Variants in TMEM51 observed in about 807,000 individuals in gnomAD.
TMEM51 encodes the protein chromosome 1 open reading frame 72.
In TMEM51, 8 loss-of-function variants were observed where a neutral mutation model predicts 13.6. That is an observed-to-expected ratio of 0.59 (90% confidence interval 0.35 to 1.07). TMEM51 has a LOEUF of 1.07. TMEM51 is among the 50% of genes least tolerant of loss of function. The pLI, the probability that TMEM51 is intolerant of heterozygous loss-of-function variation, is 0.02. For synonymous variants in TMEM51, 147 were observed against 144.4 expected (o/e 1.02, Z -0.13); for missense variants, 279 against 330.7 (o/e 0.84, Z 1.21).
At chr1:15,166,998 G>C (rs1161753141) in intron 1 of TMEM51, among the ~76,000 whole-genome samples, 5 of 152,022 alleles carry the variant, frequency 3.3e-5, no homozygotes, top group African/African-American at 4.8e-5. Context: ...ATACAGTATG[G>C]TGCCTTTGGA....
At position 15,161,297 on chromosome 1, in the gene TMEM51, A is replaced by G. The variant is rs1001728397; in HGVS notation, c.-267+7343A>G. Among the ~76,000 whole-genome samples, 2 of 151,932 alleles carry G rather than the reference A, an allele frequency of 1.3e-5. No homozygotes were observed. The highest frequency in any genetic ancestry group is 2.4e-5 in the African/African-American group (1 of 41,300). On this transcript the variant is annotated intron_variant, in intron 1 of 3. Coordinates refer to ENST00000376008, the MANE Select transcript of TMEM51 (RefSeq NM_001136218.2). The surrounding 1 kb of genome is among the most constrained non-coding windows in gnomAD (Gnocchi z 4.0). ...CAAAGCAGGTGGATTGCTTGAGGTC[A>G]GGAGTTCACGACTAGCCTGGCCAAC...
At chr1:15,201,220 A>G (rs945721772) in intron 1 of TMEM51, among the ~76,000 whole-genome samples, 3 of 152,240 alleles carry the variant, frequency 2.0e-5, no homozygotes, top group Admixed American at 1.3e-4. Flanking sequence ...AAACTTTTTC[A>G]TCAGCTTGGG....
intron 1 of TMEM51, among the ~76,000 whole-genome samples, chr1:15,196,818 A>C (rs1236062304): frequency 6.6e-6 from 1 of 152,240 alleles, no homozygotes; most frequent in Non-Finnish European, 1.5e-5. Context: ...GTCACCTATT[A>C]ATTCAGCTAG....
chr1:15,197,981 A>G (rs1453217413), intron 1 of TMEM51, among the ~76,000 whole-genome samples: 2 of 150,798 alleles, frequency 1.3e-5, no homozygotes, highest in Admixed American at 1.3e-4. Flanking sequence ...AAGCAGATTC[A>G]ATAAGATAAA....
At chr1:15,170,395 G>A (rs1382425672) in intron 1 of TMEM51, among the ~76,000 whole-genome samples, 1 of 144,914 alleles carries the variant, frequency 6.9e-6, no homozygotes, top group Non-Finnish European at 1.5e-5. Context: ...TGCAACCTCC[G>A]CCTTCCAGTT....
chr1:15,201,985 C>G (rs534386293), intron 1 of TMEM51, among the ~76,000 whole-genome samples: 42 of 152,274 alleles, frequency 2.8e-4, no homozygotes, highest in Non-Finnish European at 4.3e-4. Context: ...ATAATGAGTA[C>G]TTAAAGTAAA....
chr1:15,195,089 T>G (rs911980286), intron 1 of TMEM51, among the ~76,000 whole-genome samples: 6 of 151,794 alleles, frequency 4.0e-5, no homozygotes. Flanking sequence ...CATGCCCCGT[T>G]AGTTTTTTTG....
intron 3 of TMEM51, 88 bp downstream of exon 3, chr1:15,215,519 A>G: frequency 8.0e-7 from 1 of 1,246,672 alleles, no homozygotes; most frequent in Non-Finnish European, 1.1e-6. Context: ...CGTGGTGAAA[A>G]GACTGTCATC....
chr1:15,190,518 G>A (rs561276917), intron 1 of TMEM51, among the ~76,000 whole-genome samples: 22 of 152,286 alleles, frequency 1.4e-4, no homozygotes, highest in African/African-American at 5.3e-4. Flanking sequence ...GACACTCCAG[G>A]AAAAGCCAGT....
intron 1 of TMEM51, among the ~76,000 whole-genome samples, chr1:15,160,870 G>A (rs1057415347): frequency 4.2e-4 from 63 of 149,886 alleles, no homozygotes; most frequent in East Asian, 2.6e-3. Flanking sequence ...CCCCCACCCC[G>A]ATGGAGCTGA....
upstream of TMEM51, among the ~76,000 whole-genome samples, chr1:15,153,099 T>C (rs1642451063): frequency 6.6e-6 from 1 of 152,192 alleles, no homozygotes; most frequent in African/African-American, 2.4e-5. Flanking sequence ...GTGGGGACCC[T>C]GGCCGAGGGC....
intron 1 of TMEM51, among the ~76,000 whole-genome samples, chr1:15,205,105 G>A (rs1356530123): frequency 6.6e-6 from 1 of 152,140 alleles, no homozygotes; most frequent in Non-Finnish European, 1.5e-5. Flanking sequence ...TCTAAATAAG[G>A]CTGGACACCA....
chr1:15,153,530 G>GA (rs1642467578), upstream of TMEM51, among the ~76,000 whole-genome samples: 1 of 151,816 alleles, frequency 6.6e-6, no homozygotes, highest in South Asian at 2.1e-4. Context: ...CTTAGGCCCA[G>GA]CCCCCGGCAC....
At chr1:15,186,382 A>G (rs1282697494) in intron 1 of TMEM51, among the ~76,000 whole-genome samples, 1 of 152,238 alleles carries the variant, frequency 6.6e-6, no homozygotes, top group Non-Finnish European at 1.5e-5. Context: ...AGTCTACCCC[A>G]GAATGGCAGC....
intron 2 of TMEM51, among the ~76,000 whole-genome samples, chr1:15,214,171 A>G (rs935887470): frequency 1.3e-5 from 2 of 152,056 alleles, no homozygotes; most frequent in African/African-American, 2.4e-5. Context: ...GCTGTGTGCC[A>G]GGCTTAGAGA....
chr1:15,180,608 C>T (rs112880905), intron 1 of TMEM51, among the ~76,000 whole-genome samples: 56 of 152,258 alleles, frequency 3.7e-4, no homozygotes, highest in African/African-American at 1.3e-3. Flanking sequence ...TTCTTAGAGG[C>T]TGGAGCTAAG....
intron 1 of TMEM51, among the ~76,000 whole-genome samples, chr1:15,162,323 C>A (rs769152943): frequency 6.6e-6 from 1 of 151,898 alleles, no homozygotes; most frequent in Non-Finnish European, 1.5e-5. Context: ...CCACCATGTC[C>A]AGCTAATTTT....
intron 1 of TMEM51, among the ~76,000 whole-genome samples, chr1:15,197,914 C>T (rs1234584794): frequency 6.7e-6 from 1 of 148,796 alleles, no homozygotes; most frequent in Non-Finnish European, 1.5e-5. Context: ...CCGTGAACCT[C>T]TCAGCCTGTG....
At chr1:15,183,341 T>A (rs1288285469) in intron 1 of TMEM51, among the ~76,000 whole-genome samples, 1 of 152,194 alleles carries the variant, frequency 6.6e-6, no homozygotes, top group Non-Finnish European at 1.5e-5. Context: ...TAAGGCAGTA[T>A]CGTGCAGAGG....
Sources: gnomAD v4.1 joint callset for allele counts (sites outside exome capture counted in the v4.1 genomes callset) on GRCh38, gnomAD v4.1.1 for gene constraint, Gnocchi (gnomAD v3.1) non-coding constraint, MANE v1.5 for transcripts, NCBI Gene and HGNC (gene_info 2026-07-23, HGNC 2026-07-21) for gene names.